Variants in CTNNA3 observed in about 807,000 individuals in gnomAD.
CTNNA3 encodes the protein catenin alpha 3.
In CTNNA3, 76 loss-of-function variants were observed where a neutral mutation model predicts 95.7. The observed-to-expected ratio is 0.79, with a 90% CI of 0.66 to 0.96. The LOEUF is 0.96. CTNNA3 is among the 40% of genes least tolerant of loss of function. The pLI is 0.00. For synonymous variants in CTNNA3, 431 were observed against 374.4 expected (o/e 1.15, Z -1.74); for missense variants, 1,191 against 1,089.8 (o/e 1.09, Z -1.31).
chr10:67,494,363 A>G (rs80013652), intron 5 of CTNNA3, among the ~76,000 whole-genome samples: 2,594 of 152,342 alleles, frequency 0.017, 77 homozygotes, highest in African/African-American at 0.057. Context: ...GTTAAAAAGA[A>G]GTAATATCTC....
chr10:67,392,662 T>C lies in CTNNA3; in HGVS notation c.579+129180A>G, dbSNP rs1024035520. Among the ~76,000 whole-genome samples, 6 of 152,200 alleles carry C rather than the reference T, an allele frequency of 3.9e-5. No homozygotes were observed. In the South Asian group the frequency reaches 6.2e-4, roughly 16 times the overall value. On this transcript the variant is annotated intron_variant, in intron 5 of 17. Transcript: ENST00000433211. ...CAAAGACTTGGAACCAACCCAAATG[T>C]CCATCAATGATAGACTGGATTAAGA...
chr10:67,435,013 C>T (rs1013271637), intron 5 of CTNNA3, among the ~76,000 whole-genome samples: 5 of 151,906 alleles, frequency 3.3e-5, no homozygotes, highest in Admixed American at 1.3e-4. Context: ...CCTATTGTTC[C>T]GATATATTGC....
intron 5 of CTNNA3, among the ~76,000 whole-genome samples, chr10:67,371,280 G>A (rs1843446680): frequency 6.6e-6 from 1 of 151,118 alleles, no homozygotes; most frequent in Admixed American, 6.6e-5. Flanking sequence ...TGCATAATGT[G>A]CAGGTTTGTT....
intron 13 of CTNNA3, among the ~76,000 whole-genome samples, chr10:66,218,682 A>G (rs891021937): frequency 2.0e-5 from 3 of 152,242 alleles, no homozygotes; most frequent in African/African-American, 7.2e-5. Context: ...TTACTCAAGC[A>G]TACACAGCAA....
intron 7 of CTNNA3, among the ~76,000 whole-genome samples, chr10:66,873,578 T>C (rs891968453): frequency 6.6e-6 from 1 of 152,094 alleles, no homozygotes; most frequent in African/African-American, 2.4e-5. Context: ...GGTTTTTGCT[T>C]GTTTCAAAGA....
At chr10:66,843,937 T>C (rs930182872) in intron 7 of CTNNA3, among the ~76,000 whole-genome samples, 1 of 152,244 alleles carries the variant, frequency 6.6e-6, no homozygotes, top group African/African-American at 2.4e-5. Context: ...TTTTATTTCT[T>C]TGTTTGACAA....
intron 7 of CTNNA3, among the ~76,000 whole-genome samples, chr10:66,794,681 A>G (rs1388168458): frequency 1.3e-5 from 2 of 152,108 alleles, no homozygotes; most frequent in Non-Finnish European, 2.9e-5. Flanking sequence ...TCCTGCATCA[A>G]TTGACTCTTC....
At chr10:66,866,869 G>A (rs1844199886) in intron 7 of CTNNA3, among the ~76,000 whole-genome samples, 1 of 152,130 alleles carries the variant, frequency 6.6e-6, no homozygotes, top group African/African-American at 2.4e-5. Context: ...ATCTTAAATT[G>A]TAGCTCCCAT....
intron 5 of CTNNA3, among the ~76,000 whole-genome samples, chr10:67,350,565 T>TA (rs11338454): frequency 0.028 from 3,554 of 125,068 alleles, 87 homozygotes; most frequent in African/African-American, 0.075. Flanking sequence ...AAATGGTTAG[T>TA]AAAAAAAAAA....
chr10:67,194,269 T>C (rs1013944402), intron 6 of CTNNA3, among the ~76,000 whole-genome samples: 3 of 152,172 alleles, frequency 2.0e-5, no homozygotes, highest in Admixed American at 2.0e-4. Context: ...CACATGGATG[T>C]TTATAGCAGC....
At chr10:67,346,272 T>G (rs1290770872) in intron 5 of CTNNA3, among the ~76,000 whole-genome samples, 1 of 152,176 alleles carries the variant, frequency 6.6e-6, no homozygotes, top group Non-Finnish European at 1.5e-5. Flanking sequence ...GCACCACAAT[T>G]ACAGTGTTAT....
intron 13 of CTNNA3, among the ~76,000 whole-genome samples, chr10:66,123,801 C>G (rs776316920): frequency 3.9e-5 from 6 of 152,146 alleles, no homozygotes; most frequent in Non-Finnish European, 7.3e-5. Flanking sequence ...AGCCATGGCC[C>G]AAGCTCGACA....
intron 5 of CTNNA3, among the ~76,000 whole-genome samples, chr10:67,277,759 T>C (rs556474634): frequency 6.6e-6 from 1 of 152,096 alleles, no homozygotes; most frequent in Non-Finnish European, 1.5e-5. Flanking sequence ...TATAATGCAT[T>C]AGCATGCTAA....
At chr10:67,357,706 C>T (rs980038966) in intron 5 of CTNNA3, among the ~76,000 whole-genome samples, 5 of 151,912 alleles carry the variant, frequency 3.3e-5, no homozygotes, top group African/African-American at 9.7e-5. Flanking sequence ...AAGTAGCTGA[C>T]CCCAAAGTTC....
chr10:67,602,252 G>C (rs566576014), intron 3 of CTNNA3, among the ~76,000 whole-genome samples: 56 of 151,010 alleles, frequency 3.7e-4, no homozygotes, highest in Non-Finnish European at 7.7e-4. Flanking sequence ...ATTTTGTAGA[G>C]TTTATTGGAT....
At chr10:67,244,565 C>G (rs1322114684) in intron 5 of CTNNA3, among the ~76,000 whole-genome samples, 1 of 152,042 alleles carries the variant, frequency 6.6e-6, no homozygotes. Context: ...AATAGAAATA[C>G]CAAGTAAAAT....
At chr10:66,325,728 C>T (rs952161748) in intron 12 of CTNNA3, among the ~76,000 whole-genome samples, 2 of 138,716 alleles carry the variant, frequency 1.4e-5, no homozygotes, top group East Asian at 2.3e-4. Flanking sequence ...TACCAAGGGA[C>T]TCTAAGTGGG....
intron 11 of CTNNA3, among the ~76,000 whole-genome samples, chr10:66,428,647 A>G (rs2093265899): frequency 1.2e-5 from 1 of 82,540 alleles, no homozygotes; most frequent in African/African-American, 4.4e-5. Flanking sequence ...CTGCTCCTGA[A>G]TGACTACTGG....
chr10:67,745,602 T>C (rs1841370669), intron 1 of CTNNA3, among the ~76,000 whole-genome samples: 1 of 151,612 alleles, frequency 6.6e-6, no homozygotes, highest in South Asian at 2.1e-4. Flanking sequence ...ATGGCACATA[T>C]ATACATATGT....
Sources: allele counts gnomAD v4.1 joint callset (sites outside exome capture counted in the v4.1 genomes callset), GRCh38; gene constraint gnomAD v4.1.1; transcripts MANE v1.5; gene names NCBI Gene and HGNC (gene_info 2026-07-23, HGNC 2026-07-21).